The following KDM4C variants were observed in gnomAD, a reference collection of about 807,000 sequenced individuals.
KDM4C encodes lysine-specific demethylase 4C.
In KDM4C, 81 loss-of-function variants were observed where a neutral mutation model predicts 129.3. The observed-to-expected ratio is 0.63, with a 90% CI of 0.52 to 0.75. KDM4C has a LOEUF of 0.75. KDM4C is among the 30% of genes least tolerant of loss of function. KDM4C has a pLI of 0.00. For synonymous variants in KDM4C, 573 were observed against 456.1 expected (o/e 1.26, Z -3.26); for missense variants, 1,457 against 1,304.0 (o/e 1.12, Z -1.81).
chr9:7,097,116 C>T (rs777220389), intron 17 of KDM4C, among the ~76,000 whole-genome samples: 8 of 152,168 alleles, frequency 5.3e-5, no homozygotes, highest in Non-Finnish European at 1.2e-4. Flanking sequence ...CCTGCTAGTC[C>T]TTCAGGGTAA....
intron 4 of KDM4C, among the ~76,000 whole-genome samples, chr9:6,817,405 A>G (rs779505865): frequency 6.6e-6 from 1 of 151,892 alleles, no homozygotes; most frequent in Non-Finnish European, 1.5e-5. Flanking sequence ...GGGTCTTCCT[A>G]TGTTGCCCAC....
chr9:7,076,742 C>T, intron 17 of KDM4C: 1 of 1,175,388 alleles, frequency 8.5e-7, no homozygotes, highest in Non-Finnish European at 1.1e-6. Flanking sequence ...AAAATGACTT[C>T]CTTTGATTAA....
chr9:6,730,384 G>T (rs1817283799), intron 1 of KDM4C, among the ~76,000 whole-genome samples: 1 of 152,076 alleles, frequency 6.6e-6, no homozygotes, highest in African/African-American at 2.4e-5. Context: ...CGGAGGCCAA[G>T]GCAGGAGGAT....
At position 6,834,043 on chromosome 9, in the gene KDM4C, C is replaced by CTTTTTTTTTTTTTTTTTT. The variant is rs71487860; in HGVS notation, c.436-15449_436-15448insTTTTTTTTTTTTTTTTTT. 6.4e-5 allele frequency among the ~76,000 whole-genome samples: 7 copies of CTTTTTTTTTTTTTTTTTT among 109,462 alleles called. 1 individual carries two copies. Among genetic ancestry groups the CTTTTTTTTTTTTTTTTTT allele is most frequent in the African/African-American group, 1.1e-4 (3 of 26,892 alleles). 71.8% of individuals were successfully genotyped at this position (109,462 alleles called of 152,430 possible). On this transcript the variant is annotated intron_variant, in intron 4 of 21. Transcript: ENST00000381309. ...CATGGGATATGACTCAAGAGATAGT[C>CTTTTTTTTTTTTTTTTTT]TTTTTTTTTTTTTTTAAGATAGTCT... is the stretch of plus-strand genomic sequence containing the variant.
chr9:6,849,806 G>A, intron 5 of KDM4C, 106 bp downstream of exon 5: 3 of 915,192 alleles, frequency 3.3e-6, no homozygotes, highest in Non-Finnish European at 5.0e-6. Context: ...TCAGATTTAT[G>A]TGAGCTGTAA....
intron 12 of KDM4C, among the ~76,000 whole-genome samples, chr9:7,008,560 A>G (rs1822105924): frequency 6.6e-6 from 1 of 152,204 alleles, no homozygotes; most frequent in Admixed American, 6.5e-5. Context: ...CCCTGGGTAC[A>G]GGTCTACCAT....
chr9:6,918,010 T>G (rs189487193), intron 8 of KDM4C, among the ~76,000 whole-genome samples: 1 of 152,340 alleles, frequency 6.6e-6, no homozygotes, highest in Non-Finnish European at 1.5e-5. Flanking sequence ...ATATCTTCTC[T>G]TTTTAAAAAA....
At chr9:6,829,475 G>A (rs957774363) in intron 4 of KDM4C, among the ~76,000 whole-genome samples, 2 of 152,218 alleles carry the variant, frequency 1.3e-5, no homozygotes, top group African/African-American at 4.8e-5. Context: ...AATTTGGCTG[G>A]TGAACATAAA....
chr9:6,908,330 A>G (rs756064336), intron 8 of KDM4C, among the ~76,000 whole-genome samples: 1 of 152,214 alleles, frequency 6.6e-6, no homozygotes, highest in Non-Finnish European at 1.5e-5. Flanking sequence ...TTTAATCTCT[A>G]CATGTTACTT....
At chr9:6,951,129 T>C (rs971467630) in intron 8 of KDM4C, among the ~76,000 whole-genome samples, 6 of 152,188 alleles carry the variant, frequency 3.9e-5, no homozygotes, top group Admixed American at 3.9e-4. Flanking sequence ...TCAGTCAGGG[T>C]AATTCACATA....
chr9:6,807,594 A>G, intron 3 of KDM4C, among the ~76,000 whole-genome samples: 1 of 144,584 alleles, frequency 6.9e-6, no homozygotes, highest in Non-Finnish European at 1.5e-5. Flanking sequence ...GGAGGTGAGG[A>G]GCGTTTCTGC....
At chr9:7,005,925 C>T (rs1821584709) in intron 12 of KDM4C, among the ~76,000 whole-genome samples, 1 of 152,168 alleles carries the variant, frequency 6.6e-6, no homozygotes, top group Non-Finnish European at 1.5e-5. Flanking sequence ...TAAAGCCATG[C>T]TTATCTTAGA....
At chr9:7,053,691 G>T (rs187601448) in intron 17 of KDM4C, among the ~76,000 whole-genome samples, 340 of 152,178 alleles carry the variant, frequency 2.2e-3, no homozygotes, top group African/African-American at 7.7e-3. Flanking sequence ...AATAAGTTTG[G>T]CTGTAGTGGT....
At position 6,729,784 on chromosome 9, in the gene KDM4C, C is replaced by G. The variant is rs1257746778; in HGVS notation, c.49+8787C>G. ...TATTTCTGAGTGGGTCACTTTGGGC[C>G]TAAATACTGACGAGATAAAAAAGGC... is the stretch of plus-strand genomic sequence containing the variant. On this transcript the variant is annotated intron_variant, in intron 1 of 17. Transcript: ENST00000536108. Among the ~76,000 whole-genome samples the G allele has an allele frequency of 5.2e-5, 7 of 133,516 alleles. 1 individual carries two copies. The Admixed American group carries it at 5.6e-4, about 11-fold the overall frequency. The allele number at this position is 133,516 out of a possible 152,430, so 87.6% of individuals were successfully genotyped here. A position where few individuals can be genotyped will look rare whatever the true frequency, so the allele number is the denominator to read the frequency against.
At chr9:7,001,303 G>T (rs1198280467) in intron 12 of KDM4C, among the ~76,000 whole-genome samples, 1 of 152,154 alleles carries the variant, frequency 6.6e-6, no homozygotes, top group Non-Finnish European at 1.5e-5. Flanking sequence ...GGAATGATTG[G>T]CTATGATATG....
chr9:7,109,031 T>C (rs1260826680), intron 18 of KDM4C, among the ~76,000 whole-genome samples: 1 of 152,228 alleles, frequency 6.6e-6, no homozygotes, highest in African/African-American at 2.4e-5. Context: ...AACATTCTCT[T>C]TTAATTAGCC....
At chr9:7,038,137 GA>G (rs1402545976) in intron 15 of KDM4C, among the ~76,000 whole-genome samples, 2 of 151,984 alleles carry the variant, frequency 1.3e-5, no homozygotes, top group African/African-American at 4.8e-5. Context: ...AAAGAAAATA[GA>G]AAAAAGATAT....
intron 1 of KDM4C, among the ~76,000 whole-genome samples, chr9:6,792,697 A>G (rs538274597): frequency 2.2e-4 from 33 of 152,136 alleles, no homozygotes; most frequent in African/African-American, 7.5e-4. Flanking sequence ...TAGAAAATTT[A>G]TTTTTACTTG....
At chr9:7,044,843 G>C (rs1829160036) in intron 15 of KDM4C, among the ~76,000 whole-genome samples, 1 of 151,952 alleles carries the variant, frequency 6.6e-6, no homozygotes, top group Non-Finnish European at 1.5e-5. Context: ...TCCAGTGTGT[G>C]AGGATAGTGA....
Sources: allele counts gnomAD v4.1 joint callset (sites outside exome capture counted in the v4.1 genomes callset), GRCh38; gene constraint gnomAD v4.1.1; transcripts MANE v1.5; gene names NCBI Gene and HGNC (gene_info 2026-07-23, HGNC 2026-07-21).